Variants in UXS1 observed in about 807,000 individuals in gnomAD.
The protein encoded by UXS1 is UDP-glucuronic acid decarboxylase 1.
Under a neutral mutation model 62.6 loss-of-function variants are expected in UXS1, and 33 were observed. That is an observed-to-expected ratio of 0.53 (90% CI 0.40 to 0.70). The LOEUF (loss-of-function observed/expected upper bound fraction) is 0.70. Ranked by LOEUF, UXS1 falls within the 30% of genes least tolerant of loss-of-function variation. UXS1 has a pLI of 0.00. For missense variants in UXS1, 434 were observed against 556.3 expected (o/e 0.78, Z 2.21); for synonymous variants, 213 against 206.8 (o/e 1.03, Z -0.26).
intron 1 of UXS1, among the ~76,000 whole-genome samples, chr2:106,181,866 T>C (rs1684267851): frequency 6.6e-6 from 1 of 152,236 alleles, no homozygotes; most frequent in Non-Finnish European, 1.5e-5. Context: ...TGTAAAGCTC[T>C]ATTATTTCTT....
intron 11 of UXS1, chr2:106,101,385 G>A (rs1677586955): frequency 2.4e-6 from 1 of 415,840 alleles, no homozygotes; most frequent in East Asian, 4.2e-5. Flanking sequence ...GAAGCTGAGT[G>A]ATGGGGCTGA....
At chr2:106,103,142 T>C (rs1377657303) in intron 11 of UXS1, among the ~76,000 whole-genome samples, 4 of 152,248 alleles carry the variant, frequency 2.6e-5, no homozygotes, top group Non-Finnish European at 4.4e-5. Context: ...AGGGTGCATT[T>C]TGTCCTGAGC....
chr2:106,097,613 C>A (rs74320314), intron 13 of UXS1: 228 of 221,674 alleles, frequency 1.0e-3, no homozygotes, highest in African/African-American at 4.8e-3. Context: ...CACGGATCAC[C>A]TGAAGAGCCT....
At chr2:106,098,283 T>C (rs1214264473) in intron 13 of UXS1, among the ~76,000 whole-genome samples, 23 of 152,232 alleles carry the variant, frequency 1.5e-4, no homozygotes, top group Admixed American at 1.5e-3. Context: ...AATGCTACAC[T>C]GCCCCCAGTG....
At chr2:106,175,170 TAGAG>T (rs1683801895) in intron 1 of UXS1, among the ~76,000 whole-genome samples, 1 of 152,134 alleles carries the variant, frequency 6.6e-6, no homozygotes, top group Non-Finnish European at 1.5e-5. Context: ...CACTTTAATT[TAGAG>T]AGACATTCAA....
At chr2:106,100,482 C>T (rs2104837819) in intron 12 of UXS1, among the ~76,000 whole-genome samples, 1 of 152,300 alleles carries the variant, frequency 6.6e-6, no homozygotes, top group African/African-American at 2.4e-5. Context: ...TGAGGAAGAG[C>T]TTTCTGCCGG....
intron 12 of UXS1, among the ~76,000 whole-genome samples, chr2:106,099,150 G>C (rs7563938): frequency 0.98 from 148,529 of 152,314 alleles, 72,508 homozygotes; most frequent in South Asian, 1. Flanking sequence ...ATCTATTCCC[G>C]TCTGGGTGAG....
At chr2:106,194,072 G>A in intron 1 of UXS1, 76 bp downstream of exon 1, 2 of 1,241,056 alleles carry the variant, frequency 1.6e-6, no homozygotes, top group Admixed American at 3.5e-5. Flanking sequence ...TCGGGGCCCC[G>A]AACCACCGCC....
intron 10 of UXS1, among the ~76,000 whole-genome samples, chr2:106,107,829 C>T (rs533672538): frequency 2.4e-4 from 36 of 152,322 alleles, no homozygotes; most frequent in African/African-American, 7.5e-4. Flanking sequence ...GCAGGCACCA[C>T]GGTCACCGGG....
At chr2:106,139,926 G>C (rs1197477656) in intron 6 of UXS1, among the ~76,000 whole-genome samples, 1 of 152,126 alleles carries the variant, frequency 6.6e-6, no homozygotes, top group African/African-American at 2.4e-5. Flanking sequence ...TTCTACACTT[G>C]AGTCAGAGGT....
intron 1 of UXS1, among the ~76,000 whole-genome samples, chr2:106,177,128 T>TA (rs1683931147): frequency 6.6e-6 from 1 of 152,134 alleles, no homozygotes; most frequent in South Asian, 2.1e-4. Flanking sequence ...AAGGACAACT[T>TA]AGAGGATAAT....
chr2:106,162,091 C>T (rs1044783392), intron 4 of UXS1, among the ~76,000 whole-genome samples: 28 of 152,152 alleles, frequency 1.8e-4, no homozygotes, highest in Non-Finnish European at 4.1e-4. Flanking sequence ...CAGGCCTACG[C>T]TTGACCTTCT....
intron 1 of UXS1, among the ~76,000 whole-genome samples, chr2:106,193,700 G>A (rs920862952): frequency 2.6e-5 from 4 of 152,220 alleles, no homozygotes; most frequent in African/African-American, 9.6e-5. Flanking sequence ...CGGAGCGGGG[G>A]CTCTGCCAAT....
chr2:106,138,614 G>A (rs1185664893), intron 6 of UXS1: 6 of 985,388 alleles, frequency 6.1e-6, no homozygotes, highest in East Asian at 1.1e-4. Flanking sequence ...AGAGATGAGC[G>A]TAAACTGGGG....
chr2:106,166,680 T>A (rs963880992), intron 1 of UXS1, among the ~76,000 whole-genome samples: 10 of 147,644 alleles, frequency 6.8e-5, no homozygotes, highest in South Asian at 2.2e-4. Context: ...GGGTCTAGAG[T>A]TGGACAGTGC....
At chr2:106,177,532 T>C (rs746930707) in intron 1 of UXS1, among the ~76,000 whole-genome samples, 9 of 152,228 alleles carry the variant, frequency 5.9e-5, no homozygotes, top group Non-Finnish European at 8.8e-5. Flanking sequence ...CATGTATTTG[T>C]TTATTTTAGA....
rs1265730860 is a variant in UXS1 at position 106,131,057 on chromosome 2, C to T, written c.473-1279G>A. On this transcript the variant is annotated intron_variant, in intron 6 of 14. Coordinates refer to ENST00000283148, the MANE Select transcript of UXS1 (RefSeq NM_001253875.2). ...CAGGCCAGTGTGTGCGCGCACCGTGCGCGAGCCGAAGCAGGGCGAGGCATT... is the reference window on the plus strand; with the variant it reads ...CAGGCCAGTGTGTGCGCGCACCGTGTGCGAGCCGAAGCAGGGCGAGGCATT... Among the ~76,000 whole-genome samples the T allele has an allele frequency of 8.0e-3, 1,207 of 150,096 alleles. 5 individuals carry two copies. Among genetic ancestry groups the T allele is most frequent in the Non-Finnish European group, 0.015 (1,007 of 67,358 alleles).
At chr2:106,136,880 T>C (rs1680677987) in intron 6 of UXS1, among the ~76,000 whole-genome samples, 1 of 124,690 alleles carries the variant, frequency 8.0e-6, no homozygotes, top group Non-Finnish European at 1.6e-5. Context: ...ACCTGCACAA[T>C]GTGCACATGT....
chr2:106,149,390 A>T (rs1047592507), intron 5 of UXS1, among the ~76,000 whole-genome samples: 1 of 152,234 alleles, frequency 6.6e-6, no homozygotes, highest in African/African-American at 2.4e-5. Context: ...CCAGTGCAAC[A>T]GTGTTAAAAG....
Sources: gnomAD v4.1 joint callset for allele counts (sites outside exome capture counted in the v4.1 genomes callset) on GRCh38, gnomAD v4.1.1 for gene constraint, MANE v1.5 for transcripts, NCBI Gene and HGNC (gene_info 2026-07-23, HGNC 2026-07-21) for gene names.